ANO10: variants seen among roughly 807,000 people sequenced by gnomAD.
The protein encoded by ANO10 is anoctamin-10.
A neutral mutation model predicts 74.7 loss-of-function variants in ANO10; 77 were observed. The observed-to-expected ratio is 1.03, with a 90% CI of 0.86 to 1.25. The LOEUF is 1.25. Ranked by LOEUF, ANO10 falls within the 50% of genes most tolerant of loss-of-function variation. The pLI, the probability that ANO10 is intolerant of heterozygous loss-of-function variation, is 0.00. For synonymous variants in ANO10, 279 were observed against 284.9 expected (o/e 0.98, Z 0.21); for missense variants, 721 against 778.1 (o/e 0.93, Z 0.87).
In ANO10 at chr3:43,607,941, T is replaced by A. The variant is rs181181358; in HGVS notation, c.-11-2078A>T. Among the ~76,000 whole-genome samples, 4 of 151,954 alleles carry A rather than the reference T, an allele frequency of 2.6e-5. No individual in the cohort carries two copies. In the East Asian group the frequency reaches 7.8e-4, roughly 29 times the overall value. The stretch of plus-strand genomic sequence containing the variant: ...TGATAACACAGGCACAAAGAAAATA[T>A]CTACAATTGAGCCCTGAGGACAAAA... On this transcript the variant is annotated intron_variant, in intron 1 of 12. Transcript: ENST00000292246.
At chr3:43,479,627 T>C (rs1002813287) in intron 11 of ANO10, among the ~76,000 whole-genome samples, 5 of 152,146 alleles carry the variant, frequency 3.3e-5, no homozygotes, top group African/African-American at 1.2e-4. Context: ...AAAAGTTAAT[T>C]ACCAAATGGT....
At chr3:43,643,786 C>G (rs1056452829) in intron 1 of ANO10, among the ~76,000 whole-genome samples, 11 of 151,090 alleles carry the variant, frequency 7.3e-5, no homozygotes, top group African/African-American at 2.7e-4. Context: ...TGGGTTCACA[C>G]CATTCTCCTG....
At chr3:43,453,520 T>C (rs553000294) in intron 11 of ANO10, among the ~76,000 whole-genome samples, 8 of 152,314 alleles carry the variant, frequency 5.3e-5, no homozygotes, top group East Asian at 3.9e-4. Flanking sequence ...TGGTGTCATA[T>C]CTAAGAACCA....
intron 11 of ANO10, among the ~76,000 whole-genome samples, chr3:43,452,754 A>G (rs1475836169): frequency 6.6e-6 from 1 of 152,234 alleles, no homozygotes; most frequent in Admixed American, 6.5e-5. Flanking sequence ...GGAACTGCTA[A>G]ACCATTTTCC....
At chr3:43,592,369 C>T (rs545701818) in intron 4 of ANO10, among the ~76,000 whole-genome samples, 1 of 152,290 alleles carries the variant, frequency 6.6e-6, no homozygotes, top group Admixed American at 6.5e-5. Flanking sequence ...ACTGACACCT[C>T]GTATGGCTGG....
chr3:43,650,340 A>T (rs2083773466), intron 1 of ANO10, among the ~76,000 whole-genome samples: 1 of 152,206 alleles, frequency 6.6e-6, no homozygotes, highest in Non-Finnish European at 1.5e-5. Flanking sequence ...TATGGGTGTA[A>T]GATAAGAAAA....
chr3:43,396,024 T>C (rs2092371773), intron 12 of ANO10, among the ~76,000 whole-genome samples: 1 of 152,138 alleles, frequency 6.6e-6, no homozygotes, highest in Non-Finnish European at 1.5e-5. Flanking sequence ...GAGTAGACAG[T>C]TTTTTACTTC....
chr3:43,499,734 T>C (rs1348525545), intron 11 of ANO10, among the ~76,000 whole-genome samples: 4 of 152,104 alleles, frequency 2.6e-5, no homozygotes, highest in African/African-American at 4.8e-5. Context: ...TGAAGGGCTC[T>C]TTTTAAAACT....
intron 7 of ANO10, among the ~76,000 whole-genome samples, chr3:43,574,356 C>T (rs1217485367): frequency 2.0e-5 from 3 of 151,594 alleles, no homozygotes; most frequent in Non-Finnish European, 2.9e-5. Context: ...CTGCAACCTC[C>T]ACCTCCTGAG....
At chr3:43,396,399 C>T (rs188677674) in intron 12 of ANO10, among the ~76,000 whole-genome samples, 3 of 151,858 alleles carry the variant, frequency 2.0e-5, no homozygotes, top group East Asian at 1.9e-4. Flanking sequence ...AGTGCAGTGG[C>T]GCAATCTTGG....
chr3:43,454,517 C>CA (rs1559560550), intron 11 of ANO10, among the ~76,000 whole-genome samples: 1 of 149,734 alleles, frequency 6.7e-6, no homozygotes. Flanking sequence ...AAAACACACA[C>CA]AAAAAAAGGG....
chr3:43,411,999 AC>A (rs902074664), intron 12 of ANO10, among the ~76,000 whole-genome samples: 4 of 148,570 alleles, frequency 2.7e-5, no homozygotes, highest in African/African-American at 9.8e-5. Flanking sequence ...GTTAAAAAAA[AC>A]ATATTTATAT....
intron 4 of ANO10, among the ~76,000 whole-genome samples, chr3:43,584,648 G>A (rs2081397391): frequency 6.6e-6 from 1 of 152,080 alleles, no homozygotes; most frequent in Admixed American, 6.6e-5. Context: ...AGCATGAGCT[G>A]GAACCTGACC....
chr3:43,417,205 G>A (rs979827796), intron 12 of ANO10, among the ~76,000 whole-genome samples: 7 of 152,184 alleles, frequency 4.6e-5, no homozygotes, highest in South Asian at 2.1e-4. Context: ...GAACTTGCAC[G>A]GGTGAATGCC....
At chr3:43,450,572 C>T (rs2074818077) in intron 11 of ANO10, among the ~76,000 whole-genome samples, 1 of 152,134 alleles carries the variant, frequency 6.6e-6, no homozygotes, top group Admixed American at 6.5e-5. Context: ...TCTAGCTTTT[C>T]ACCTATGCCA....
intron 11 of ANO10, among the ~76,000 whole-genome samples, chr3:43,463,988 C>T (rs185092944): frequency 9.9e-5 from 15 of 152,248 alleles, no homozygotes; most frequent in African/African-American, 9.6e-5. Flanking sequence ...AGGAGTTCCA[C>T]GGCACAAGCT....
chr3:43,401,931 C>A (rs1425714728), intron 12 of ANO10, among the ~76,000 whole-genome samples: 5 of 152,158 alleles, frequency 3.3e-5, no homozygotes, highest in Non-Finnish European at 7.3e-5. Flanking sequence ...GTGGGTGTCA[C>A]CCTCTGCATT....
intron 11 of ANO10, among the ~76,000 whole-genome samples, chr3:43,547,484 G>A (rs2079250342): frequency 6.6e-6 from 1 of 152,158 alleles, no homozygotes; most frequent in South Asian, 2.1e-4. Context: ...CTTCTTTGAT[G>A]CTTCCTGGCT....
intron 4 of ANO10, among the ~76,000 whole-genome samples, chr3:43,595,620 TAA>T (rs1294166136): frequency 6.6e-6 from 1 of 152,126 alleles, no homozygotes; most frequent in Non-Finnish European, 1.5e-5. Flanking sequence ...CTCAAAATAA[TAA>T]GAGCTATTTA....
Sources: allele counts gnomAD v4.1 joint callset (sites outside exome capture counted in the v4.1 genomes callset), GRCh38; gene constraint gnomAD v4.1.1; transcripts MANE v1.5; gene names NCBI Gene and HGNC (gene_info 2026-07-23, HGNC 2026-07-21).